The following SNX20 variants were observed in gnomAD, a reference collection of about 807,000 sequenced individuals.
SNX20 encodes the protein sorting nexin 20.
SNX20 carries 21 observed loss-of-function variants against 24.5 expected under a neutral mutation model. The ratio of observed to expected loss-of-function variants is 0.86; its 90% CI spans 0.61 to 1.23. SNX20 has a LOEUF of 1.23. SNX20 is among the 50% of genes most tolerant of loss of function. The probability of loss-of-function intolerance (pLI) is 0.00; values close to 1 mark genes in which losing one functional copy is unlikely to be tolerated. For synonymous variants in SNX20, 206 were observed against 192.8 expected, an observed-to-expected ratio of 1.07 and a Z score of -0.57; for missense variants, 433 against 430.8, an observed-to-expected ratio of 1.00 and a Z score of -0.04.
chr16:50,673,657 G>A lies in SNX20; in HGVS notation c.700C>T (p.Leu234=). ...CGGTCGAGGTCGCGGTGGCACAGCA[G>A]CACGGCGCACAGGGCCGGGACGGCG... ...AAAVPALCAV[L]LCHRDLDRPA... is the part of the protein sequence containing the mutation. The change falls in exon 4 of 4, where the codon CTG becomes TTG. Residue 234 remains leucine, a synonymous_variant. Coordinates refer to ENST00000330943, the MANE Select transcript of SNX20 (RefSeq NM_182854.4). The surrounding 1 kb of genome is among the most constrained non-coding windows in gnomAD (Gnocchi z 4.1). The A allele has an allele frequency of 6.6e-7, 1 of 1,510,760 alleles. No homozygotes were observed. Among genetic ancestry groups the A allele is most frequent in the Non-Finnish European group, 8.8e-7 (1 of 1,139,096 alleles). 93.6% of individuals were successfully genotyped at this position (1,510,760 alleles called of 1,614,324 possible). A position where few individuals can be genotyped will look rare whatever the true frequency, so the allele number is the denominator to read the frequency against.
chr16:50,667,962 G>A (rs148662116), downstream of SNX20: 1,039 of 1,518,048 alleles, frequency 6.8e-4, 9 homozygotes, highest in African/African-American at 0.012. Flanking sequence ...GACATACTGC[G>A]GCTTCAGGCT....
chr16:50,673,774 A>T lies in SNX20; in HGVS notation c.583T>A (p.Cys195Ser), dbSNP rs1305507429. The T allele has an allele frequency of 6.5e-7, 1 of 1,540,662 alleles. No homozygotes were observed. The highest frequency in any genetic ancestry group is 2.0e-5 in the Admixed American group (1 of 50,944). The change falls in exon 4 of 4, where the codon TGC (cysteine) becomes AGC (serine). Residue 195 changes from cysteine (C) to serine (S), a missense_variant. Coordinates refer to ENST00000330943, the MANE Select transcript of SNX20 (RefSeq NM_182854.4). This position sits in a 1 kb window ranked among gnomAD's most constrained non-coding sequence, Gnocchi z 4.1. ...CGCGGGTACTGGCCGGCCCGCAGGCAGCCGAAAGCCTCGCGCAGCTCCGGC... is the reference window on the plus strand; with the variant it reads ...CGCGGGTACTGGCCGGCCCGCAGGCTGCCGAAAGCCTCGCGCAGCTCCGGC... Reference protein sequence around the residue: ...TRPELREAFGCLRAGQYPRAL... With the variant: ...TRPELREAFGSLRAGQYPRAL...
At position 50,673,995 on chromosome 16, in the gene SNX20, G is replaced by T. The variant is rs376792548; in HGVS notation, c.362C>A (p.Ala121Glu). 1.2e-6 allele frequency: 2 copies of T among 1,612,832 alleles called. No homozygotes were observed. The highest frequency in any genetic ancestry group is 2.7e-5 in the African/African-American group (2 of 74,898). Residue 121 changes from alanine (A) to glutamate (E), a missense_variant, in exon 4 of 4, where the codon GCG becomes GAG. Transcript: ENST00000330943. The surrounding 1 kb of genome is among the most constrained non-coding windows in gnomAD (Gnocchi z 4.1). ...AVLERRYSDF[A>E]KLQKALLKTF... ...CTTCAGCAGCGCTTTCTGGAGCTTC[G>T]CGAAGTCGGAATAGCGCCGTTCCAG...
chr16:50,680,755 G>A (rs1306594917), intron 1 of SNX20, among the ~76,000 whole-genome samples: 1 of 152,180 alleles, frequency 6.6e-6, no homozygotes, highest in Non-Finnish European at 1.5e-5. Flanking sequence ...AACCCAGTGT[G>A]TGTAAGAATC....
chr16:50,677,132 G>A (rs1056043947), intron 2 of SNX20, among the ~76,000 whole-genome samples: 2 of 152,162 alleles, frequency 1.3e-5, no homozygotes, highest in Non-Finnish European at 1.5e-5. Flanking sequence ...TTGAGCTTCA[G>A]CCACCTACCG....
chr16:50,675,743 C>A (rs1963165364), intron 3 of SNX20, 27 bp downstream of exon 3: 2 of 1,610,368 alleles, frequency 1.2e-6, no homozygotes, highest in African/African-American at 1.3e-5. Context: ...GTGAAAGAGG[C>A]TCCACCATTT....
Position 50,673,826 on chromosome 16 carries a change from G to T in SNX20, c.531C>A (p.Ser177=). 6.3e-7 allele frequency: 1 copy of T among 1,598,186 alleles called. No homozygotes were observed. The highest frequency in any genetic ancestry group is 2.3e-5 in the East Asian group (1 of 44,392). The stretch of plus-strand genomic sequence containing the variant: ...GCGTGAGGAAGTCCAGGAACTCCCG[G>T]GAGCGGCGCACGCAGCGGATGGCGT... ...LLYAIRCVRR[S]REFLDFLTRP... is the part of the protein sequence containing the mutation. The change falls in exon 4 of 4, where the codon TCC becomes TCA. Residue 177 remains serine, a synonymous_variant. Coordinates refer to ENST00000330943, the MANE Select transcript of SNX20 (RefSeq NM_182854.4). The surrounding 1 kb of genome is among the most constrained non-coding windows in gnomAD (Gnocchi z 4.1).
downstream of SNX20, chr16:50,667,946 C>T (rs1022679793): frequency 3.4e-6 from 5 of 1,467,148 alleles, no homozygotes; most frequent in East Asian, 2.5e-5. Context: ...GGGGGACCCA[C>T]TCAAGGACAT....
At position 50,673,250 on chromosome 16, in the gene SNX20, A is replaced by G. The variant is rs1372999032; in HGVS notation, c.*156T>C. On this transcript the variant is annotated 3_prime_UTR_variant, in exon 4 of 4. Transcript: ENST00000330943. This position sits in a 1 kb window ranked among gnomAD's most constrained non-coding sequence, Gnocchi z 4.1. ...CAGGAGTTTGAGGCTGCAGTGAGAC[A>G]TAATTGAGCCACTGCACTTCAGTCT... is the stretch of plus-strand genomic sequence containing the variant. The G allele has an allele frequency of 8.1e-7, 1 of 1,240,370 alleles. No individual in the cohort carries two copies. Among genetic ancestry groups the G allele is most frequent in the Non-Finnish European group, 1.0e-6 (1 of 978,836 alleles). 76.8% of individuals were successfully genotyped at this position (1,240,370 alleles called of 1,614,324 possible).
In SNX20 at chr16:50,677,530, C is replaced by A; in HGVS notation, c.-4G>T. 6.4e-7 allele frequency: 1 copy of A among 1,565,184 alleles called. No homozygotes were observed. The highest frequency in any genetic ancestry group is 8.7e-7 in the Non-Finnish European group (1 of 1,151,978). On this transcript the variant is annotated 5_prime_UTR_variant, in exon 2 of 4. The change creates a premature stop within an existing upstream ORF in the 5' untranslated region. Coordinates refer to ENST00000330943, the MANE Select transcript of SNX20 (RefSeq NM_182854.4). ...CAGGGTGCTCTGGACTTGCCATGCT[C>A]CAAGGCTGCCAGAGGAAAAAGAGAA... is the stretch of plus-strand genomic sequence containing the variant.
Position 50,672,793 on chromosome 16 carries a change from G to A in SNX20, c.*613C>T, listed in dbSNP as rs953021587. 6.6e-6 allele frequency: 1 copy of A among 152,186 alleles called. No homozygotes were observed. Among genetic ancestry groups the A allele is most frequent in the African/African-American group, 2.4e-5 (1 of 41,412 alleles). The allele number at this position is 152,186 out of a possible 1,614,324, so 9.4% of individuals were successfully genotyped here. On this transcript the variant is annotated 3_prime_UTR_variant, in exon 4 of 4. Coordinates refer to ENST00000330943, the MANE Select transcript of SNX20 (RefSeq NM_182854.4). ...TCTCCAGCTTCCCACAAAGACACTG[G>A]TGGGGTGGACACTGCTCTGGACGGT... is the stretch of plus-strand genomic sequence containing the variant.
downstream of SNX20, chr16:50,671,474 C>T (rs977986553): frequency 6.6e-6 from 1 of 152,250 alleles, no homozygotes; most frequent in South Asian, 2.1e-4. Context: ...ACCCTCATAT[C>T]GGGGGTCTAA....
At chr16:50,675,721 G>A (rs756657706) in intron 3 of SNX20, 49 bp downstream of exon 3, 1 of 1,605,448 alleles carries the variant, frequency 6.2e-7, no homozygotes, top group South Asian at 1.1e-5. Context: ...TCAGGGCCAG[G>A]AAGGAAGCAG....
chr16:50,667,901 G>C, downstream of SNX20: 2 of 1,101,594 alleles, frequency 1.8e-6, no homozygotes, highest in Non-Finnish European at 1.3e-6. Context: ...GCATTTTCTT[G>C]ATCTTACCAT....
chr16:50,669,071 C>G, downstream of SNX20: 1 of 1,551,746 alleles, frequency 6.4e-7, no homozygotes, highest in Non-Finnish European at 8.7e-7. Flanking sequence ...GTGGACATCT[C>G]GGGTCTGGTT....
Position 50,673,616 on chromosome 16 carries a change from G to A in SNX20, c.741C>T (p.Phe247=). 1 of 1,571,840 alleles carries A rather than the reference G, an allele frequency of 6.4e-7. No individual in the cohort carries two copies. Among genetic ancestry groups the A allele is most frequent in the Non-Finnish European group, 8.6e-7 (1 of 1,166,526 alleles). ...GCTGCAGGGCCCTCTCTCCGGCCGC[G>A]AAGGCCTCGGCGGGGCGGTCGAGGT... ...HRDLDRPAEA[F]AAGERALQRL... Residue 247 remains phenylalanine (F), a synonymous_variant, in exon 4 of 4, where the codon TTC becomes TTT. Transcript: ENST00000330943. The surrounding 1 kb of genome is among the most constrained non-coding windows in gnomAD (Gnocchi z 4.1).
chr16:50,668,140 C>G, downstream of SNX20: 6 of 1,547,198 alleles, frequency 3.9e-6, no homozygotes, highest in Non-Finnish European at 5.2e-6. Context: ...AGTTGGTGAC[C>G]AGGAAACCAG....
chr16:50,679,923 C>A (rs1043964515), intron 1 of SNX20, among the ~76,000 whole-genome samples: 1 of 152,202 alleles, frequency 6.6e-6, no homozygotes, highest in African/African-American at 2.4e-5. Context: ...GCTTTCATGA[C>A]CAGGCAGCTG....
chr16:50,675,802 G>T lies in SNX20; in HGVS notation c.250C>A (p.Arg84Ser). The T allele has an allele frequency of 6.2e-7, 1 of 1,613,362 alleles. No homozygotes were observed. The highest frequency in any genetic ancestry group is 8.5e-7 in the Non-Finnish European group (1 of 1,179,724). ...VKLLFEIASA[R>S]IEERKVSKFV... ...TTAGAGACTTTTCTCTCCTCGATGC[G>T]AGCTGAAGCGATCTCAAAGAGCAGT... The change falls in exon 3 of 4, where the codon CGC becomes AGC. Residue 84 changes from arginine to serine, a missense_variant. Physicochemically the swap from Arg to Ser is moderately radical, Grantham distance 110 (BLOSUM62 -1). Transcript: ENST00000330943.
Sources: gnomAD v4.1 joint callset for allele counts (sites outside exome capture counted in the v4.1 genomes callset) on GRCh38, gnomAD v4.1.1 for gene constraint, Gnocchi (gnomAD v3.1) non-coding constraint, MANE v1.5 for transcripts, NCBI Gene and HGNC (gene_info 2026-07-23, HGNC 2026-07-21) for gene names.